Variants in CCDC92B observed in about 807,000 individuals in gnomAD.
CCDC92B encodes coiled-coil domain-containing 92B.
In CCDC92B, 2 loss-of-function variants were observed where a neutral mutation model predicts 5.6. That is an observed-to-expected ratio of 0.36 (90% CI 0.15 to 1.12). The LOEUF is 1.12. Among genes scored for constraint, CCDC92B ranks in the 50% most tolerant of loss-of-function variants. The pLI is 0.40. For missense variants in CCDC92B, 271 were observed against 262.2 expected (o/e 1.03, Z -0.23); for synonymous variants, 115 against 122.3 (o/e 0.94, Z 0.39).
rs2070693121 is a variant in CCDC92B at position 2,724,097 on chromosome 17, GC to G, written c.*313del. 3.0e-6 allele frequency: 3 copies of G among 985,390 alleles called. No individual in the cohort carries two copies. The highest frequency in any genetic ancestry group is 3.6e-6 in the Non-Finnish European group (3 of 829,944). The allele number at this position is 985,390 out of a possible 1,614,324, so 61.0% of individuals were successfully genotyped here. A position where few individuals can be genotyped will look rare whatever the true frequency, so the allele number is the denominator to read the frequency against. On this transcript the variant is annotated 3_prime_UTR_variant, in exon 4 of 4. Transcript: ENST00000614400. The surrounding 1 kb of genome is among the most constrained non-coding windows in gnomAD (Gnocchi z 5.0). ...GTCGGCTTTCCCGGGGAAGGGCGTGGCCCCCGCCCCTCCTGTCTCACAGGCA... is the reference window on the plus strand; with the variant it reads ...GTCGGCTTTCCCGGGGAAGGGCGTGGCCCCGCCCCTCCTGTCTCACAGGCA...
chr17:2,723,998 G>C lies in CCDC92B; in HGVS notation c.*413C>G, dbSNP rs1312721501. On this transcript the variant is annotated 3_prime_UTR_variant, in exon 4 of 4. Coordinates refer to ENST00000614400, the MANE Select transcript of CCDC92B (RefSeq NM_001355573.2). ...GGGAGGCGGGGGGTGGGGAGCTAGA[G>C]GGCCTGGGGCGCCAATGCCACTCTG... The C allele has an allele frequency of 4.3e-5, 42 of 979,626 alleles. No homozygotes were observed. In the East Asian group the frequency reaches 4.3e-3, roughly 100 times the overall value. 60.7% of individuals were successfully genotyped at this position (979,626 alleles called of 1,614,324 possible).
intron 1 of CCDC92B, among the ~76,000 whole-genome samples, chr17:2,742,048 CA>C (rs1158194628): frequency 6.7e-6 from 1 of 149,942 alleles, no homozygotes; most frequent in Non-Finnish European, 1.5e-5. Flanking sequence ...GGATTTTAAG[CA>C]GTGGAAGAAC....
intron 2 of CCDC92B, among the ~76,000 whole-genome samples, chr17:2,733,847 C>T (rs1185143200): frequency 6.7e-6 from 1 of 148,876 alleles, no homozygotes; most frequent in African/African-American, 2.5e-5. Flanking sequence ...CAACCTCTGC[C>T]TCCCAGGTTC....
Position 2,722,591 on chromosome 17 carries a change from T to C in CCDC92B, c.*1820A>G, listed in dbSNP as rs1414335009. 6.6e-6 allele frequency: 1 copy of C among 152,202 alleles called. No homozygotes were observed. Among genetic ancestry groups the C allele is most frequent in the Non-Finnish European group, 1.5e-5 (1 of 68,062 alleles). The allele number at this position is 152,202 out of a possible 1,614,324, so 9.4% of individuals were successfully genotyped here. A position where few individuals can be genotyped will look rare whatever the true frequency, so the allele number is the denominator to read the frequency against. Reference sequence around the variant, plus strand: ...CTTGCCAATTTCCTGCTCCAACAAATGGAGAGAAAGGGGGTGTGATCTGGG... The same window carrying C: ...CTTGCCAATTTCCTGCTCCAACAAACGGAGAGAAAGGGGGTGTGATCTGGG... On this transcript the variant is annotated 3_prime_UTR_variant, in exon 4 of 4. Transcript: ENST00000614400.
chr17:2,741,104 G>A (rs2151744426), intron 1 of CCDC92B, among the ~76,000 whole-genome samples: 1 of 152,082 alleles, frequency 6.6e-6, no homozygotes, highest in South Asian at 2.1e-4. Context: ...CAGACTTGAA[G>A]GAGGGGTAGG....
At chr17:2,733,434 T>G (rs2070819785) in intron 2 of CCDC92B, among the ~76,000 whole-genome samples, 1 of 152,004 alleles carries the variant, frequency 6.6e-6, no homozygotes, top group South Asian at 2.1e-4. Flanking sequence ...TAATTTTGTA[T>G]TTTTAGTAGA....
At chr17:2,739,462 G>C (rs1444608287) in intron 1 of CCDC92B, among the ~76,000 whole-genome samples, 1 of 150,858 alleles carries the variant, frequency 6.6e-6, no homozygotes, top group Non-Finnish European at 1.5e-5. Context: ...AGGCAGATCA[G>C]GAGGTCAGGA....
chr17:2,724,659 G>A lies in CCDC92B; in HGVS notation c.520C>T (p.Arg174Cys), dbSNP rs2070702755. 1.0e-6 allele frequency: 1 copy of A among 981,690 alleles called. No homozygotes were observed. Among genetic ancestry groups the A allele is most frequent in the African/African-American group, 1.8e-5 (1 of 56,752 alleles). The allele number at this position is 981,690 out of a possible 1,614,324, so 60.8% of individuals were successfully genotyped here. Residue 174 changes from arginine (R) to cysteine (C), a missense_variant, in exon 4 of 4, where the codon CGC becomes TGC. Transcript: ENST00000614400. The surrounding 1 kb of genome is among the most constrained non-coding windows in gnomAD (Gnocchi z 5.0). ...PRPRRRALRA[R>C]RPPAAHEAAA... Reference sequence around the variant, plus strand: ...GCCTCGTGGGCAGCAGGCGGGCGGCGGGCTCGCAGTGCGCGGCGGCGTGGC... The same window carrying A: ...GCCTCGTGGGCAGCAGGCGGGCGGCAGGCTCGCAGTGCGCGGCGGCGTGGC...
intron 1 of CCDC92B, among the ~76,000 whole-genome samples, chr17:2,740,743 A>T (rs967781631): frequency 6.6e-6 from 1 of 151,916 alleles, no homozygotes; most frequent in Non-Finnish European, 1.5e-5. Context: ...CTAAGGCCAG[A>T]CGCAGTGGCT....
In CCDC92B at chr17:2,727,994, A is replaced by C. The variant is rs540280908; in HGVS notation, c.178+2452T>G. Among the ~76,000 whole-genome samples the C allele has an allele frequency of 2.0e-5, 3 of 152,124 alleles. No individual in the cohort carries two copies. In the East Asian group the frequency reaches 5.8e-4, roughly 29 times the overall value. Reference sequence around the variant, plus strand: ...CTGCACACTACAGCCTGGACAACAGAGCAAGATCCTGTCTCTAAAAAAAGA... The same window carrying C: ...CTGCACACTACAGCCTGGACAACAGCGCAAGATCCTGTCTCTAAAAAAAGA... On this transcript the variant is annotated intron_variant, in intron 3 of 3. Coordinates refer to ENST00000614400, the MANE Select transcript of CCDC92B (RefSeq NM_001355573.2).
chr17:2,748,203 T>G (rs1190289600), intron 1 of CCDC92B: 2 of 571,628 alleles, frequency 3.5e-6, no homozygotes, highest in South Asian at 2.8e-5. Flanking sequence ...ACTCTTCCAG[T>G]AGCCCAGTAG....
Position 2,730,497 on chromosome 17 carries a change from G to A in CCDC92B, c.131-4C>T, listed in dbSNP as rs1219667815. The A allele has an allele frequency of 1.0e-6, 1 of 983,500 alleles. No individual in the cohort carries two copies. The highest frequency in any genetic ancestry group is 1.2e-6 in the Non-Finnish European group (1 of 830,462). The allele number at this position is 983,500 out of a possible 1,614,324, so 60.9% of individuals were successfully genotyped here. On this transcript the variant is annotated splice_region_variant and splice_polypyrimidine_tract_variant and intron_variant, in intron 2 of 3. Coordinates refer to ENST00000614400, the MANE Select transcript of CCDC92B (RefSeq NM_001355573.2). ...ATTTCCAGGTCATGGGTCAGTTCTG[G>A]GGGGAAAGAAAAGAAAAGGCAGTTT... is the stretch of plus-strand genomic sequence containing the variant.
intron 1 of CCDC92B, among the ~76,000 whole-genome samples, chr17:2,737,461 C>CTTT: frequency 7.0e-6 from 1 of 142,408 alleles, no homozygotes; most frequent in African/African-American, 2.7e-5. Flanking sequence ...CCAAATAGGC[C>CTTT]TTTCTTTTTT....
At chr17:2,726,554 T>C in intron 3 of CCDC92B, among the ~76,000 whole-genome samples, 1 of 151,578 alleles carries the variant, frequency 6.6e-6, no homozygotes, top group East Asian at 2.0e-4. Context: ...TGACCTCAGG[T>C]CATCCTCCCG....
rs1292877672 is a variant in CCDC92B at position 2,723,929 on chromosome 17, G to C, written c.*482C>G. 1.0e-6 allele frequency: 1 copy of C among 984,008 alleles called. No individual in the cohort carries two copies. Among genetic ancestry groups the C allele is most frequent in the African/African-American group, 1.8e-5 (1 of 56,992 alleles). 61.0% of individuals were successfully genotyped at this position (984,008 alleles called of 1,614,324 possible). A position where few individuals can be genotyped will look rare whatever the true frequency, so the allele number is the denominator to read the frequency against. ...CAGCCCCTAGCCTGGGCCTCTCCTG[G>C]GGAGGAAGAAGGCTTGGCGGGAAGG... is the stretch of plus-strand genomic sequence containing the variant. On this transcript the variant is annotated 3_prime_UTR_variant, in exon 4 of 4. Transcript: ENST00000614400.
chr17:2,745,429 C>A (rs2070974247), intron 1 of CCDC92B, among the ~76,000 whole-genome samples: 1 of 152,182 alleles, frequency 6.6e-6, no homozygotes, highest in Admixed American at 6.5e-5. Context: ...AGAGACTGAG[C>A]CAACCAGCTG....
chr17:2,722,677 C>T lies in CCDC92B; in HGVS notation c.*1734G>A, dbSNP rs1005383910. On this transcript the variant is annotated 3_prime_UTR_variant, in exon 4 of 4. Transcript: ENST00000614400. Reference sequence around the variant, plus strand: ...AGCTCGTCACCCCTAGAGCTTGACTCTGCTCACCTCCCAGACCCCTGCGTG... The same window carrying T: ...AGCTCGTCACCCCTAGAGCTTGACTTTGCTCACCTCCCAGACCCCTGCGTG... 2.0e-5 allele frequency: 3 copies of T among 152,288 alleles called. No individual in the cohort carries two copies. The highest frequency in any genetic ancestry group is 4.8e-5 in the African/African-American group (2 of 41,452). The allele number at this position is 152,288 out of a possible 1,614,324, so 9.4% of individuals were successfully genotyped here. A position where few individuals can be genotyped will look rare whatever the true frequency, so the allele number is the denominator to read the frequency against.
chr17:2,728,433 C>T (rs1276508355), intron 3 of CCDC92B, among the ~76,000 whole-genome samples: 4 of 151,904 alleles, frequency 2.6e-5, no homozygotes, highest in Non-Finnish European at 4.4e-5. Flanking sequence ...CGGTGAAACC[C>T]GTCTCTACTA....
At position 2,738,267 on chromosome 17, in the gene CCDC92B, G is replaced by T. The variant is rs370706691; in HGVS notation, c.-23-3099C>A. Among the ~76,000 whole-genome samples the T allele has an allele frequency of 2.6e-5, 4 of 151,880 alleles. No individual in the cohort carries two copies. The South Asian group carries it at 8.3e-4, about 31-fold the overall frequency. On this transcript the variant is annotated intron_variant, in intron 1 of 3. Transcript: ENST00000614400. ...CACCCAGGCTGGTGTCCACCTCCTG[G>T]CCTCAAGCAATCCTCCCACCTTGGT...
Sources: allele counts gnomAD v4.1 joint callset (sites outside exome capture counted in the v4.1 genomes callset), GRCh38; gene constraint gnomAD v4.1.1; non-coding constraint Gnocchi (gnomAD v3.1); transcripts MANE v1.5; gene names NCBI Gene and HGNC (gene_info 2026-07-23, HGNC 2026-07-21).